The following RNF19A variants were observed in gnomAD, a reference collection of about 807,000 sequenced individuals.
RNF19A encodes ring finger protein 19A, RBR E3 ubiquitin protein ligase, also known as E3 ubiquitin-protein ligase RNF19A.
RNF19A carries 32 observed loss-of-function variants against 75.7 expected under a neutral mutation model. The observed-to-expected ratio is 0.42, with a 90% CI of 0.32 to 0.57. The LOEUF (loss-of-function observed/expected upper bound fraction) is 0.57, where lower values mean the gene tolerates loss of function less well. Ranked by LOEUF, RNF19A falls within the 20% of genes least tolerant of loss-of-function variation. The probability of loss-of-function intolerance (pLI) is 0.10; values close to 1 mark genes in which losing one functional copy is unlikely to be tolerated. For missense variants in RNF19A, 782 were observed against 1,036.3 expected, an observed-to-expected ratio of 0.75 and a Z score of 3.37; for synonymous variants, 335 against 345.2, an observed-to-expected ratio of 0.97 and a Z score of 0.33.
At chr8:100,302,294 G>A (rs763508641) in intron 1 of RNF19A, among the ~76,000 whole-genome samples, 4 of 152,204 alleles carry the variant, frequency 2.6e-5, no homozygotes, top group Non-Finnish European at 5.9e-5. Flanking sequence ...GATGACGATG[G>A]CACATCAGTG....
rs1013040818 is a variant in RNF19A at position 100,323,490 on chromosome 8, A to C, written c.-242-10118T>G. ...GTTTCACCCTTCTTTTCTGCCATCC[A>C]TTCTTAGAATTGTCACATTAACTGC... On this transcript the variant is annotated intron_variant, in intron 1 of 3. Transcript: ENST00000519527. This position sits in a 1 kb window ranked among gnomAD's most constrained non-coding sequence, Gnocchi z 4.6. Among the ~76,000 whole-genome samples, 1 of 152,164 alleles carries C rather than the reference A, an allele frequency of 6.6e-6. No homozygotes were observed.
intron 1 of RNF19A, among the ~76,000 whole-genome samples, chr8:100,301,981 G>C (rs1269899839): frequency 6.6e-6 from 1 of 152,164 alleles, no homozygotes. Context: ...AAGCCCCTAA[G>C]GGAGGAATGT....
At chr8:100,313,417 C>T (rs780373357), upstream of RNF19A, 57 of 519,588 alleles carry the variant, frequency 1.1e-4, no homozygotes, top group Non-Finnish European at 1.3e-4. Context: ...GTGGGGAAGA[C>T]GGAGGAACAG....
At chr8:100,316,901 G>A (rs1480384085) in intron 1 of RNF19A, among the ~76,000 whole-genome samples, 1 of 152,372 alleles carries the variant, frequency 6.6e-6, no homozygotes, top group East Asian at 1.9e-4. Context: ...GCGGGCTGCA[G>A]GTCCGGAGCC....
intron 5 of RNF19A, among the ~76,000 whole-genome samples, chr8:100,268,104 C>CT (rs145479213): frequency 0.059 from 8,704 of 148,148 alleles, 823 homozygotes; most frequent in African/African-American, 0.2. Context: ...AAGAAAATTT[C>CT]TTTTTTTTTT....
rs1820937873 is a variant in RNF19A, at chr8:100,284,754, T to A, written c.674+2747A>T. Among the ~76,000 whole-genome samples, 1 of 152,122 alleles carries A rather than the reference T, an allele frequency of 6.6e-6. No individual in the cohort carries two copies. Among genetic ancestry groups the A allele is most frequent in the East Asian group, 1.9e-4 (1 of 5,204 alleles). ...TCCCAAAGTATGAGTTTCTGATTAT[T>A]TTTATTAAGAAATATCACATATAAA... On this transcript the variant is annotated intron_variant, in intron 2 of 9. Coordinates refer to ENST00000341084, the MANE Select transcript of RNF19A (RefSeq NM_183419.4). The surrounding 1 kb of genome is among the most constrained non-coding windows in gnomAD (Gnocchi z 4.3).
chr8:100,273,540 GACT>G (rs987210855), intron 3 of RNF19A, among the ~76,000 whole-genome samples: 5 of 152,154 alleles, frequency 3.3e-5, no homozygotes, highest in African/African-American at 1.2e-4. Flanking sequence ...CTCCCATGGT[GACT>G]ACGTTGAGGA....
rs537167469 is a variant in RNF19A, at chr8:100,260,957, G to T, written c.1682+585C>A. Among the ~76,000 whole-genome samples, 1 of 152,300 alleles carries T rather than the reference G, an allele frequency of 6.6e-6. No individual in the cohort carries two copies. The highest frequency in any genetic ancestry group is 2.1e-4 in the South Asian group (1 of 4,826). ...TATCTGGCTGTTGTTACCCACAGAG[G>T]TAAGATCTAGGCTTAAGTACTGCCT... On this transcript the variant is annotated intron_variant, in intron 8 of 9. Transcript: ENST00000341084. The surrounding 1 kb of genome is among the most constrained non-coding windows in gnomAD (Gnocchi z 4.1).
rs551187950 is a variant in RNF19A at position 100,297,251 on chromosome 8, C to T, written c.-93-8984G>A. Among the ~76,000 whole-genome samples the T allele has an allele frequency of 4.6e-5, 7 of 152,270 alleles. No homozygotes were observed. In the South Asian group the frequency reaches 1.2e-3, roughly 27 times the overall value. On this transcript the variant is annotated intron_variant, in intron 1 of 9. Coordinates refer to ENST00000341084, the MANE Select transcript of RNF19A (RefSeq NM_183419.4). ...TGTTACTAGATGTACAATCTAAATA[C>T]CTTTCAATTACTTCAATGTGTCCTT...
At chr8:100,309,834 G>A (rs1822230187) in intron 1 of RNF19A, 33 bp downstream of exon 1, 2 of 985,500 alleles carry the variant, frequency 2.0e-6, no homozygotes, top group African/African-American at 3.5e-5. Flanking sequence ...CTCCCGCTCC[G>A]GGGCGCAAGC....
chr8:100,320,289 A>AC (rs1349669299), intron 1 of RNF19A, among the ~76,000 whole-genome samples: 9 of 152,066 alleles, frequency 5.9e-5, no homozygotes, highest in Admixed American at 6.6e-5. Context: ...TATTTTTTAA[A>AC]AAACAACAAC....
intron 2 of RNF19A, among the ~76,000 whole-genome samples, chr8:100,280,567 A>C (rs1227480316): frequency 6.6e-6 from 1 of 152,232 alleles, no homozygotes; most frequent in African/African-American, 2.4e-5. Flanking sequence ...GAATTTATAC[A>C]AATTCCGAAG....
chr8:100,318,008 C>G (rs1170351739), intron 1 of RNF19A, among the ~76,000 whole-genome samples: 4 of 152,188 alleles, frequency 2.6e-5, no homozygotes, highest in African/African-American at 9.7e-5. Flanking sequence ...TCTCCAGCCC[C>G]TGACCCCATG....
intron 1 of RNF19A, among the ~76,000 whole-genome samples, chr8:100,328,932 AG>A (rs1047092582): frequency 3.9e-5 from 6 of 152,192 alleles, no homozygotes; most frequent in Non-Finnish European, 2.9e-5. Context: ...TAGAGCACGA[AG>A]GGCTTCAGTT....
rs376139332 is a variant in RNF19A at position 100,261,506 on chromosome 8, C to T, written c.1682+36G>A. The T allele has an allele frequency of 9.7e-6, 15 of 1,542,110 alleles. No homozygotes were observed. The highest frequency in any genetic ancestry group is 2.7e-5 in the African/African-American group (2 of 73,328). ...TCACCTAATTAATAATTTGTAGTTACCAGAAAGCAGAACCAAACCAAACCA... is the reference window on the plus strand; with the variant it reads ...TCACCTAATTAATAATTTGTAGTTATCAGAAAGCAGAACCAAACCAAACCA... On this transcript the variant is annotated intron_variant, in intron 8 of 9. Transcript: ENST00000341084. This position sits in a 1 kb window ranked among gnomAD's most constrained non-coding sequence, Gnocchi z 4.4.
At position 100,317,947 on chromosome 8, in the gene RNF19A, G is replaced by A. The variant is rs1488349595; in HGVS notation, c.-242-4575C>T. Among the ~76,000 whole-genome samples the A allele has an allele frequency of 6.6e-6, 1 of 152,108 alleles. No individual in the cohort carries two copies. Among genetic ancestry groups the A allele is most frequent in the African/African-American group, 2.4e-5 (1 of 41,410 alleles). On this transcript the variant is annotated intron_variant, in intron 1 of 3. Transcript: ENST00000519527. The surrounding 1 kb of genome is among the most constrained non-coding windows in gnomAD (Gnocchi z 4.3). The stretch of plus-strand genomic sequence containing the variant: ...ATGAGCCTCAATGTCAAGGCCAACT[G>A]TTGTGACATTTTTGCCCCTGGATAG...
upstream of RNF19A, among the ~76,000 whole-genome samples, chr8:100,311,822 C>G (rs1167612777): frequency 5.3e-5 from 8 of 151,978 alleles, no homozygotes; most frequent in Admixed American, 2.6e-4. Flanking sequence ...AATAAAGAAG[C>G]TGTGCGGAAT....
At position 100,324,685 on chromosome 8, in the gene RNF19A, C is replaced by T. The variant is rs561916881; in HGVS notation, c.-242-11313G>A. 2.0e-5 allele frequency among the ~76,000 whole-genome samples: 3 copies of T among 152,272 alleles called. No individual in the cohort carries two copies. Among genetic ancestry groups the T allele is most frequent in the East Asian group, 1.9e-4 (1 of 5,180 alleles). On this transcript the variant is annotated intron_variant, in intron 1 of 3. Coordinates refer to the RNF19A transcript ENST00000519527. This position sits in a 1 kb window ranked among gnomAD's most constrained non-coding sequence, Gnocchi z 4.2. ...CCTGAGAAACCTAAATATGAATCTACGCGTTTGCTTCAAGAAAATTCAAAA... is the reference window on the plus strand; with the variant it reads ...CCTGAGAAACCTAAATATGAATCTATGCGTTTGCTTCAAGAAAATTCAAAA...
intron 1 of RNF19A, among the ~76,000 whole-genome samples, chr8:100,304,456 T>C (rs1008502900): frequency 6.6e-6 from 1 of 152,094 alleles, no homozygotes; most frequent in African/African-American, 2.4e-5. Context: ...TACTTTATTT[T>C]CCCCACTTAC....
Sources: gnomAD v4.1 joint callset for allele counts (sites outside exome capture counted in the v4.1 genomes callset) on GRCh38, gnomAD v4.1.1 for gene constraint, Gnocchi (gnomAD v3.1) non-coding constraint, MANE v1.5 for transcripts, NCBI Gene and HGNC (gene_info 2026-07-23, HGNC 2026-07-21) for gene names.